Variants in CSMD1 observed in about 807,000 individuals in gnomAD.
CSMD1 encodes CUB and sushi domain-containing protein 1.
CSMD1 carries 213 observed loss-of-function variants against 417.5 expected under a neutral mutation model. That is an observed-to-expected ratio of 0.51 (90% confidence interval 0.46 to 0.57). CSMD1 has a LOEUF of 0.57. Among genes scored for constraint, CSMD1 ranks in the 20% least tolerant of loss-of-function variants. The pLI, the probability that CSMD1 is intolerant of heterozygous loss-of-function variation, is 0.00. For missense variants in CSMD1, 6,923 were observed against 4,529.7 expected (o/e 1.53, Z -15.17); for synonymous variants, 2,862 against 1,736.8 (o/e 1.65, Z -16.11).
chr8:4,811,961 A>G (rs1034117279), intron 1 of CSMD1, among the ~76,000 whole-genome samples: 3 of 152,230 alleles, frequency 2.0e-5, no homozygotes, highest in African/African-American at 7.2e-5. Context: ...ATAGAAATAC[A>G]TGCTGGTTTT....
Position 3,517,696 on chromosome 8 carries a change from G to A in CSMD1, c.1345-23970C>T, listed in dbSNP as rs145316619. Among the ~76,000 whole-genome samples the A allele has an allele frequency of 1.6e-3, 238 of 152,214 alleles. 1 individual carries two copies. Among genetic ancestry groups the A allele is most frequent in the African/African-American group, 5.4e-3 (223 of 41,544 alleles). ...CAATTTTTCACTTGTAGACACAAACGAATTCAGTCACATTTTTTGATAGTA... is the reference window on the plus strand; with the variant it reads ...CAATTTTTCACTTGTAGACACAAACAAATTCAGTCACATTTTTTGATAGTA... On this transcript the variant is annotated intron_variant, in intron 10 of 69. Coordinates refer to ENST00000635120, the MANE Select transcript of CSMD1 (RefSeq NM_033225.6).
At chr8:3,916,742 T>A (rs973139714) in intron 5 of CSMD1, among the ~76,000 whole-genome samples, 5 of 152,120 alleles carry the variant, frequency 3.3e-5, no homozygotes, top group African/African-American at 4.8e-5. Context: ...TCATTGAGAA[T>A]GTGTCACAAA....
intron 2 of CSMD1, among the ~76,000 whole-genome samples, chr8:4,503,034 T>C (rs149186456): frequency 4.8e-4 from 72 of 150,348 alleles, no homozygotes; most frequent in African/African-American, 1.7e-3. Context: ...GAAACGTTTA[T>C]GAAAATACCT....
intron 5 of CSMD1, among the ~76,000 whole-genome samples, chr8:3,787,708 A>G (rs992566015): frequency 3.3e-5 from 5 of 152,182 alleles, no homozygotes; most frequent in African/African-American, 1.2e-4. Flanking sequence ...ACAACTAGAA[A>G]TTTACATTAC....
intron 7 of CSMD1, among the ~76,000 whole-genome samples, chr8:3,628,182 A>G (rs1425971714): frequency 1.3e-5 from 2 of 152,154 alleles, no homozygotes; most frequent in Non-Finnish European, 2.9e-5. Flanking sequence ...AATCTCTACC[A>G]TTGTAACAAC....
intron 3 of CSMD1, among the ~76,000 whole-genome samples, chr8:4,195,550 C>A (rs1002823778): frequency 2.0e-5 from 3 of 152,094 alleles, no homozygotes; most frequent in Non-Finnish European, 4.4e-5. Context: ...TTGTGATGTG[C>A]GTCTGACCAA....
chr8:4,539,939 C>T (rs1797296417), intron 2 of CSMD1, among the ~76,000 whole-genome samples: 1 of 152,148 alleles, frequency 6.6e-6, no homozygotes. Context: ...CCCATCTACC[C>T]CAGCCCAAAC....
At chr8:4,788,796 A>G (rs1797543271) in intron 1 of CSMD1, among the ~76,000 whole-genome samples, 1 of 152,270 alleles carries the variant, frequency 6.6e-6, no homozygotes, top group Admixed American at 6.5e-5. Flanking sequence ...GCTTAACTTA[A>G]CATGACATCT....
In CSMD1 at chr8:3,396,227, G is replaced by A. The variant is rs779351181; in HGVS notation, c.2560C>T (p.Arg854Cys). 9.6e-6 allele frequency: 15 copies of A among 1,570,086 alleles called. No homozygotes were observed. The highest frequency in any genetic ancestry group is 4.0e-5 in the African/African-American group (3 of 74,102). ...MYLLFTTDNS[R>C]SSIGFLIHYE... ...TGGATGAGGAAGCCGATGCTGGAGC[G>A]GCTGTTGTCAGTGGTGAACAGCAGG... The change falls in exon 17 of 70, where the codon CGC becomes TGC. Residue 854 changes from arginine (R) to cysteine (C), a missense_variant. Physicochemically the swap from Arg to Cys is radical, Grantham distance 180. Coordinates refer to ENST00000635120, the MANE Select transcript of CSMD1 (RefSeq NM_033225.6).
intron 49 of CSMD1, among the ~76,000 whole-genome samples, chr8:3,085,074 T>C (rs919151584): frequency 1.8e-4 from 28 of 152,200 alleles, no homozygotes; most frequent in Non-Finnish European, 4.0e-4. Flanking sequence ...ATTTGCGAGA[T>C]TCTATTTTAA....
intron 3 of CSMD1, among the ~76,000 whole-genome samples, chr8:4,105,052 C>A (rs536561778): frequency 6.6e-6 from 1 of 152,052 alleles, no homozygotes; most frequent in Non-Finnish European, 1.5e-5. Flanking sequence ...CTAATTCCAA[C>A]TAAAGGCAGC....
chr8:3,523,674 C>T lies in CSMD1; in HGVS notation c.1345-29948G>A, dbSNP rs200480175. Among the ~76,000 whole-genome samples the T allele has an allele frequency of 4.4e-4, 66 of 151,096 alleles. 1 individual carries two copies. The East Asian group carries it at 6.7e-3, about 15-fold the overall frequency. ...AGGCACAGTTACACATGCACACACACGTACACCCAGAGAGACATATGCACA... is the reference window on the plus strand; with the variant it reads ...AGGCACAGTTACACATGCACACACATGTACACCCAGAGAGACATATGCACA... On this transcript the variant is annotated intron_variant, in intron 10 of 69. Coordinates refer to ENST00000635120, the MANE Select transcript of CSMD1 (RefSeq NM_033225.6).
chr8:3,459,559 G>C (rs1280027602), intron 12 of CSMD1, among the ~76,000 whole-genome samples: 4 of 152,272 alleles, frequency 2.6e-5, no homozygotes, highest in South Asian at 2.1e-4. Context: ...TGGGAGATCT[G>C]TGCAGAAATG....
chr8:4,141,762 C>G (rs563174630), intron 3 of CSMD1, among the ~76,000 whole-genome samples: 2 of 151,102 alleles, frequency 1.3e-5, no homozygotes, highest in South Asian at 4.1e-4. Flanking sequence ...CCCATGCCAT[C>G]GACAATACAC....
chr8:4,835,973 C>A (rs965018237), intron 1 of CSMD1, among the ~76,000 whole-genome samples: 4 of 151,804 alleles, frequency 2.6e-5, no homozygotes, highest in Non-Finnish European at 4.4e-5. Flanking sequence ...AATTAGGTAC[C>A]TTCTAAATGT....
chr8:3,848,154 G>T (rs2975388), intron 5 of CSMD1, among the ~76,000 whole-genome samples: 27,703 of 151,716 alleles, frequency 0.18, 2,709 homozygotes, highest in East Asian at 0.4. Context: ...TGTATGTGGT[G>T]GATGAGAAGT....
At chr8:3,606,076 T>C (rs1801597463) in intron 8 of CSMD1, among the ~76,000 whole-genome samples, 1 of 152,150 alleles carries the variant, frequency 6.6e-6, no homozygotes, top group Non-Finnish European at 1.5e-5. Context: ...AATACATGTA[T>C]AAAACTCAAA....
chr8:3,726,154 C>A (rs921774097), intron 6 of CSMD1, among the ~76,000 whole-genome samples: 1 of 151,952 alleles, frequency 6.6e-6, no homozygotes, highest in Non-Finnish European at 1.5e-5. Flanking sequence ...GGCACCGAGG[C>A]GTCCTGCCAA....
chr8:4,797,973 T>A (rs886715676), intron 1 of CSMD1, among the ~76,000 whole-genome samples: 2 of 152,218 alleles, frequency 1.3e-5, no homozygotes, highest in Non-Finnish European at 2.9e-5. Flanking sequence ...TTTTCCCAAA[T>A]GCATCTATGC....
Sources: allele counts gnomAD v4.1 joint callset (sites outside exome capture counted in the v4.1 genomes callset), GRCh38; gene constraint gnomAD v4.1.1; transcripts MANE v1.5; gene names NCBI Gene and HGNC (gene_info 2026-07-23, HGNC 2026-07-21).